Variants in ATP8A2 observed in about 807,000 individuals in gnomAD.
ATP8A2 encodes the protein ATPase phospholipid transporting 8A2.
Under a neutral mutation model 165.6 loss-of-function variants are expected in ATP8A2, and 100 were observed. The ratio of observed to expected loss-of-function variants is 0.60; its 90% CI spans 0.51 to 0.71. The LOEUF (loss-of-function observed/expected upper bound fraction) is 0.71. Among genes scored for constraint, ATP8A2 ranks in the 30% least tolerant of loss-of-function variants. ATP8A2 has a pLI of 0.00. For synonymous variants in ATP8A2, 543 were observed against 548.8 expected (o/e 0.99, Z 0.15); for missense variants, 1,227 against 1,479.5 (o/e 0.83, Z 2.80).
intron 29 of ATP8A2, among the ~76,000 whole-genome samples, chr13:25,839,321 T>C (rs1951700001): frequency 6.6e-6 from 1 of 152,192 alleles, no homozygotes; most frequent in South Asian, 2.1e-4. Context: ...TTTAGGTCTT[T>C]GTAACTAAAG....
chr13:25,760,314 T>C (rs1173181636), intron 25 of ATP8A2, among the ~76,000 whole-genome samples: 1 of 152,190 alleles, frequency 6.6e-6, no homozygotes, highest in Non-Finnish European at 1.5e-5. Flanking sequence ...AAAATATATG[T>C]AGAGAGAGAT....
chr13:25,966,451 C>T (rs1299066827), intron 34 of ATP8A2, among the ~76,000 whole-genome samples: 6 of 152,124 alleles, frequency 3.9e-5, no homozygotes, highest in South Asian at 2.1e-4. Flanking sequence ...CTAATTCAGG[C>T]GTTATTAGAT....
intron 2 of ATP8A2, among the ~76,000 whole-genome samples, chr13:25,487,424 G>T (rs1382678656): frequency 1.3e-5 from 2 of 152,210 alleles, no homozygotes; most frequent in Non-Finnish European, 2.9e-5. Context: ...GCTGAAGGCG[G>T]TCCTCATTTG....
chr13:26,020,068 G>A lies in ATP8A2; in HGVS notation c.*83G>A. On this transcript the variant is annotated 3_prime_UTR_variant, in exon 37 of 37. Coordinates refer to ENST00000381655, the MANE Select transcript of ATP8A2 (RefSeq NM_016529.6). ...TAACACATCTTTGTCAGAGAAGACT[G>A]GCGTCAGCAGCCAAAACACCAGGAA... 1 of 1,011,292 alleles carries A rather than the reference G, an allele frequency of 9.9e-7. No individual in the cohort carries two copies. The highest frequency in any genetic ancestry group is 1.5e-6 in the Non-Finnish European group (1 of 655,338). The allele number at this position is 1,011,292 out of a possible 1,614,324, so 62.6% of individuals were successfully genotyped here. A position where few individuals can be genotyped will look rare whatever the true frequency, so the allele number is the denominator to read the frequency against.
intron 33 of ATP8A2, among the ~76,000 whole-genome samples, chr13:25,912,323 C>T (rs1200730313): frequency 6.6e-6 from 1 of 152,078 alleles, no homozygotes; most frequent in Non-Finnish European, 1.5e-5. Flanking sequence ...TTGTCACTTA[C>T]ATGTGAAATC....
chr13:25,469,209 C>T, intron 2 of ATP8A2, 88 bp downstream of exon 2: 2 of 1,475,358 alleles, frequency 1.4e-6, no homozygotes, highest in Non-Finnish European at 1.8e-6. Context: ...TGGCCGCGCA[C>T]CTGGCCGGCC....
In ATP8A2 at chr13:26,025,403, C is replaced by T. The variant is rs988374338; in HGVS notation, c.*5418C>T. 9 of 152,254 alleles carry T rather than the reference C, an allele frequency of 5.9e-5. No individual in the cohort carries two copies. The highest frequency in any genetic ancestry group is 1.7e-4 in the African/African-American group (7 of 41,438). The allele number at this position is 152,254 out of a possible 1,614,324, so 9.4% of individuals were successfully genotyped here. On this transcript the variant is annotated 3_prime_UTR_variant, in exon 37 of 37. Coordinates refer to ENST00000381655, the MANE Select transcript of ATP8A2 (RefSeq NM_016529.6). ...ATGGGGCTGCCGGTCACTGAATTGT[C>T]GTTCAAATGCATCATCTTTGTGGCG...
intron 24 of ATP8A2, among the ~76,000 whole-genome samples, chr13:25,695,223 A>C (rs943919336): frequency 1.3e-5 from 2 of 152,152 alleles, no homozygotes; most frequent in African/African-American, 4.8e-5. Context: ...ACATCTTTAA[A>C]AAACCCAATG....
intron 2 of ATP8A2, among the ~76,000 whole-genome samples, chr13:25,480,028 TG>T (rs1391861545): frequency 1.3e-5 from 2 of 150,758 alleles, no homozygotes; most frequent in Non-Finnish European, 3.0e-5. Context: ...GACGGGGTGG[TG>T]GCCAGGCAGA....
At chr13:25,660,995 G>C (rs1188409603) in intron 24 of ATP8A2, among the ~76,000 whole-genome samples, 1 of 152,146 alleles carries the variant, frequency 6.6e-6, no homozygotes, top group East Asian at 1.9e-4. Flanking sequence ...TTGAGAACTG[G>C]GAAGTTACAG....
At chr13:25,571,134 G>C (rs1203581486) in intron 17 of ATP8A2, among the ~76,000 whole-genome samples, 1 of 152,186 alleles carries the variant, frequency 6.6e-6, no homozygotes, top group African/African-American at 2.4e-5. Context: ...GATTGGGCTT[G>C]ACAGAGCTCT....
intron 2 of ATP8A2, among the ~76,000 whole-genome samples, chr13:25,475,820 A>G (rs1374569150): frequency 1.3e-5 from 2 of 152,324 alleles, no homozygotes; most frequent in African/African-American, 4.8e-5. Flanking sequence ...TCTTCTTTAG[A>G]AAAGTGTCTG....
intron 2 of ATP8A2, among the ~76,000 whole-genome samples, chr13:25,511,540 G>C (rs565850406): frequency 3.3e-5 from 5 of 152,276 alleles, no homozygotes; most frequent in South Asian, 2.1e-4. Context: ...CTTGCAGTAA[G>C]AGGCTTCCTA....
chr13:25,780,159 G>A (rs369077694), intron 27 of ATP8A2, among the ~76,000 whole-genome samples: 17 of 152,220 alleles, frequency 1.1e-4, no homozygotes, highest in South Asian at 6.2e-4. Context: ...CCTATATTTC[G>A]AAAAATTATC....
At chr13:26,019,470 T>C (rs1957050668) in intron 36 of ATP8A2, among the ~76,000 whole-genome samples, 1 of 152,202 alleles carries the variant, frequency 6.6e-6, no homozygotes, top group East Asian at 1.9e-4. Context: ...GTGTGTGTGT[T>C]TCCCTGGCAT....
intron 25 of ATP8A2, among the ~76,000 whole-genome samples, chr13:25,758,866 T>C (rs949345520): frequency 6.6e-6 from 1 of 152,202 alleles, no homozygotes; most frequent in African/African-American, 2.4e-5. Context: ...CTAGAATAAG[T>C]GGCTTGTTAA....
At chr13:26,019,018 C>T (rs1466496245) in intron 36 of ATP8A2, among the ~76,000 whole-genome samples, 1 of 152,068 alleles carries the variant, frequency 6.6e-6, no homozygotes, top group African/African-American at 2.4e-5. Flanking sequence ...CACTAAATTC[C>T]TTTTGAGTTT....
intron 2 of ATP8A2, among the ~76,000 whole-genome samples, chr13:25,518,267 A>C (rs2137824443): frequency 6.6e-6 from 1 of 152,364 alleles, no homozygotes; most frequent in Non-Finnish European, 1.5e-5. Context: ...AGGAAGGTGA[A>C]TGATATCCTA....
At position 25,616,517 on chromosome 13, in the gene ATP8A2, A is replaced by C. The variant is rs572269592; in HGVS notation, c.2211+26818A>C. Among the ~76,000 whole-genome samples the C allele has an allele frequency of 4.1e-3, 616 of 151,910 alleles. 5 individuals are homozygous for C. The highest frequency in any genetic ancestry group is 0.017 in the Middle Eastern group (5 of 292). The stretch of plus-strand genomic sequence containing the variant: ...CAGATAATTTTGTTATTTTTAGTAG[A>C]AATGGGGTTTCACCATGTTGGCCAG... On this transcript the variant is annotated intron_variant, in intron 24 of 36. Transcript: ENST00000381655.
Sources: allele counts gnomAD v4.1 joint callset (sites outside exome capture counted in the v4.1 genomes callset), GRCh38; gene constraint gnomAD v4.1.1; transcripts MANE v1.5; gene names NCBI Gene and HGNC (gene_info 2026-07-23, HGNC 2026-07-21).